The following ADCY9 variants were observed in gnomAD, a reference collection of about 807,000 sequenced individuals.
The protein encoded by ADCY9 is adenylate cyclase type 9.
Under a neutral mutation model 101.5 loss-of-function variants are expected in ADCY9, and 50 were observed. That is an observed-to-expected ratio of 0.49 (90% CI 0.39 to 0.62). ADCY9 has a LOEUF of 0.62. Ranked by LOEUF, ADCY9 falls within the 20% of genes least tolerant of loss-of-function variation. The probability of loss-of-function intolerance (pLI) is 0.00; values close to 1 mark genes in which losing one functional copy is unlikely to be tolerated. For missense variants in ADCY9, 1,662 were observed against 1,800.4 expected, an observed-to-expected ratio of 0.92 and a Z score of 1.39; for synonymous variants, 905 against 769.3, an observed-to-expected ratio of 1.18 and a Z score of -2.92.
rs1327409322 is a variant in ADCY9 at position 3,963,123 on chromosome 16, TATATATATATATATATATATGG to T, written c.*2630_*2651del. On this transcript the variant is annotated 3_prime_UTR_variant, in exon 11 of 11. Transcript: ENST00000294016. ...ATATATATATATATATATATATATA[TATATATATATATATATATATGG>T]ATATATAATTCGATCTGAGCTGGGA... 1.3e-5 allele frequency: 1 copy of T among 75,328 alleles called. No homozygotes were observed. The highest frequency in any genetic ancestry group is 3.5e-5 in the African/African-American group (1 of 28,466). 4.7% of individuals were successfully genotyped at this position (75,328 alleles called of 1,614,324 possible).
intron 2 of ADCY9, among the ~76,000 whole-genome samples, chr16:4,014,913 G>C (rs1487602473): frequency 6.8e-6 from 1 of 147,790 alleles, no homozygotes; most frequent in African/African-American, 2.5e-5. Flanking sequence ...GGCATCCCCT[G>C]AGTGACCACA....
intron 2 of ADCY9, among the ~76,000 whole-genome samples, chr16:4,045,606 A>AAT (rs1480886489): frequency 6.7e-6 from 1 of 149,908 alleles, no homozygotes; most frequent in African/African-American, 2.4e-5. Flanking sequence ...AAAAAAAAAA[A>AAT]AAAAAAAAAA....
In ADCY9 at chr16:4,114,826, T is replaced by C; in HGVS notation, c.617A>G (p.Asn206Ser). The C allele has an allele frequency of 6.2e-7, 1 of 1,613,290 alleles. No homozygotes were observed. ...TGTGGGCCGGGCTGTGGCCGTAAGGTTGGAGCTGTCGCCGCGTCCTGAGAC... is the reference window on the plus strand; with the variant it reads ...TGTGGGCCGGGCTGTGGCCGTAAGGCTGGAGCTGTCGCCGCGTCCTGAGAC... ...TPVSGRGDSS[N>S]LTATARPTDT... is the part of the protein sequence containing the mutation. Residue 206 changes from asparagine to serine, a missense_variant, in exon 2 of 11, where the codon AAC becomes AGC. Physicochemically the swap from Asn to Ser is conservative, Grantham distance 46. Around this residue, in one of 5 missense-constraint regions of ADCY9, gnomAD observed 422 missense variants for 392.0 expected, o/e 1.08. Transcript: ENST00000294016. The surrounding 1 kb of genome is among the most constrained non-coding windows in gnomAD (Gnocchi z 4.3).
intron 2 of ADCY9, among the ~76,000 whole-genome samples, chr16:4,041,743 C>T (rs1415834339): frequency 2.0e-5 from 3 of 148,986 alleles, no homozygotes; most frequent in Non-Finnish European, 4.4e-5. Flanking sequence ...TTTTATTTAT[C>T]TGATTTTTTT....
chr16:4,047,540 G>A (rs575303261), intron 2 of ADCY9, among the ~76,000 whole-genome samples: 15 of 152,038 alleles, frequency 9.9e-5, no homozygotes, highest in African/African-American at 3.6e-4. Flanking sequence ...GTAACCAATG[G>A]GCTTCTGTGT....
chr16:3,990,232 G>A (rs370554184), intron 5 of ADCY9, among the ~76,000 whole-genome samples: 101 of 152,234 alleles, frequency 6.6e-4, no homozygotes, highest in African/African-American at 2.2e-3. Flanking sequence ...TTGGGAGGCC[G>A]AGGCAAGCGG....
intron 2 of ADCY9, among the ~76,000 whole-genome samples, chr16:4,084,570 T>A: frequency 6.6e-6 from 1 of 151,830 alleles, no homozygotes; most frequent in African/African-American, 2.4e-5. Flanking sequence ...TACAAAAAAT[T>A]CAGAAAGTTT....
chr16:4,020,182 T>C (rs2056465469), intron 2 of ADCY9, among the ~76,000 whole-genome samples: 1 of 152,278 alleles, frequency 6.6e-6, no homozygotes, highest in Non-Finnish European at 1.5e-5. Flanking sequence ...ATGTGGCTAC[T>C]GACCACTCGA....
intron 2 of ADCY9, among the ~76,000 whole-genome samples, chr16:4,054,787 T>C (rs1455683575): frequency 6.6e-6 from 1 of 152,090 alleles, no homozygotes; most frequent in African/African-American, 2.4e-5. Flanking sequence ...CAGGATGGTC[T>C]AAATCTCCTG....
intron 6 of ADCY9, among the ~76,000 whole-genome samples, chr16:3,987,037 C>A (rs28482206): frequency 0.068 from 10,368 of 152,336 alleles, 393 homozygotes; most frequent in Admixed American, 0.092. Context: ...ACTCCCTGGA[C>A]GAACCAGGCT....
At chr16:4,067,767 G>A (rs1232767243) in intron 2 of ADCY9, among the ~76,000 whole-genome samples, 1 of 152,158 alleles carries the variant, frequency 6.6e-6, no homozygotes, top group Admixed American at 6.5e-5. Context: ...GAGGTGGACT[G>A]CAACCTCCCA....
chr16:4,052,470 A>C (rs911696203), intron 2 of ADCY9, among the ~76,000 whole-genome samples: 23 of 152,232 alleles, frequency 1.5e-4, no homozygotes, highest in Non-Finnish European at 2.9e-5. Flanking sequence ...GTGTATGTGG[A>C]GAGACAGACA....
At chr16:3,957,819 G>A (rs972673408), downstream of ADCY9, among the ~76,000 whole-genome samples, 6 of 152,114 alleles carry the variant, frequency 3.9e-5, no homozygotes, top group East Asian at 5.8e-4. Flanking sequence ...CGGGCATTTC[G>A]CTCCTCTCTC....
chr16:3,969,967 T>A (rs1306309283), intron 10 of ADCY9, among the ~76,000 whole-genome samples: 1 of 152,168 alleles, frequency 6.6e-6, no homozygotes, highest in Non-Finnish European at 1.5e-5. Context: ...TTGTCCATCG[T>A]CCTGCCATCC....
chr16:4,056,720 G>A (rs894790800), intron 2 of ADCY9, among the ~76,000 whole-genome samples: 1 of 152,212 alleles, frequency 6.6e-6, no homozygotes, highest in Non-Finnish European at 1.5e-5. Flanking sequence ...TCTGCATCAT[G>A]GGCACTCAGC....
intron 8 of ADCY9, among the ~76,000 whole-genome samples, chr16:3,978,899 T>C (rs2056115851): frequency 6.6e-6 from 1 of 152,076 alleles, no homozygotes; most frequent in Non-Finnish European, 1.5e-5. Context: ...GTATTTTTAG[T>C]AGAGACGGGG....
intron 8 of ADCY9, among the ~76,000 whole-genome samples, 193 bp downstream of exon 8, chr16:3,978,914 ACCATGTTGG>A (rs965299971): frequency 6.6e-6 from 1 of 152,018 alleles, no homozygotes; most frequent in African/African-American, 2.4e-5. Flanking sequence ...ACGGGGTTTC[ACCATGTTGG>A]CCAGGATGGT....
Position 3,977,641 on chromosome 16 carries a change from C to G in ADCY9, c.2680-11G>C, listed in dbSNP as rs181898213. The G allele has an allele frequency of 5.0e-6, 8 of 1,612,218 alleles. No individual in the cohort carries two copies. The African/African-American group carries it at 8.0e-5, about 16-fold the overall frequency. ...TGTGAACACTGGGAACTGCAAGAGG[C>G]GAAGGGTTAGGACAGCCGCCCAGGG... On this transcript the variant is annotated splice_polypyrimidine_tract_variant and intron_variant, in intron 8 of 10. Transcript: ENST00000294016.
At chr16:4,020,176 G>A (rs1375901007) in intron 2 of ADCY9, among the ~76,000 whole-genome samples, 1 of 152,148 alleles carries the variant, frequency 6.6e-6, no homozygotes, top group Non-Finnish European at 1.5e-5. Flanking sequence ...AGGCACATGT[G>A]GCTACTGACC....
Sources: allele counts gnomAD v4.1 joint callset (sites outside exome capture counted in the v4.1 genomes callset), GRCh38; gene constraint gnomAD v4.1.1; regional missense constraint gnomAD v4.1.1; non-coding constraint Gnocchi (gnomAD v3.1); transcripts MANE v1.5; gene names NCBI Gene and HGNC (gene_info 2026-07-23, HGNC 2026-07-21).